Variants in ARSG observed in about 807,000 individuals in gnomAD.
ARSG encodes ASG.
ARSG carries 37 observed loss-of-function variants against 50.5 expected under a neutral mutation model. The observed-to-expected ratio is 0.73, with a 90% CI of 0.56 to 0.96. The LOEUF (loss-of-function observed/expected upper bound fraction) is 0.96. Ranked by LOEUF, ARSG falls within the 50% of genes least tolerant of loss-of-function variation. The pLI is 0.00. For missense variants in ARSG, 629 were observed against 675.3 expected, an observed-to-expected ratio of 0.93 and a Z score of 0.76; for synonymous variants, 225 against 254.6, an observed-to-expected ratio of 0.88 and a Z score of 1.11.
intron 1 of ARSG, among the ~76,000 whole-genome samples, chr17:68,299,873 G>A (rs1353501388): frequency 6.6e-6 from 1 of 150,950 alleles, no homozygotes; most frequent in Non-Finnish European, 1.5e-5. Context: ...TATATAGTAA[G>A]AATTAACTTT....
Position 68,271,564 on chromosome 17 carries a change from A to G in ARSG, c.-552+12138A>G. ...TCCTCTGATAAAGATGGGTCTGAGCAGTGCTCCGAAGATGACAATGTTTAA... is the reference window on the plus strand; with the variant it reads ...TCCTCTGATAAAGATGGGTCTGAGCGGTGCTCCGAAGATGACAATGTTTAA... On this transcript the variant is annotated intron_variant, in intron 1 of 11. Coordinates refer to the ARSG transcript ENST00000448504. The surrounding 1 kb of genome is among the most constrained non-coding windows in gnomAD (Gnocchi z 5.3). The G allele has an allele frequency of 3.7e-6, 6 of 1,614,232 alleles. No homozygotes were observed. The highest frequency in any genetic ancestry group is 5.1e-6 in the Non-Finnish European group (6 of 1,180,030).
chr17:68,361,683 G>A (rs770124475), intron 6 of ARSG, among the ~76,000 whole-genome samples: 3 of 152,188 alleles, frequency 2.0e-5, no homozygotes, highest in Non-Finnish European at 4.4e-5. Flanking sequence ...GGAGGCCGAG[G>A]TGGGTAGATC....
At chr17:68,373,810 G>C (rs1227825539) in intron 8 of ARSG, among the ~76,000 whole-genome samples, 1 of 152,064 alleles carries the variant, frequency 6.6e-6, no homozygotes, top group South Asian at 2.1e-4. Context: ...TTTCTGGAGA[G>C]TTGGGTCAAA....
intron 1 of ARSG, among the ~76,000 whole-genome samples, chr17:68,283,961 C>T (rs1272881499): frequency 6.6e-6 from 1 of 150,608 alleles, no homozygotes; most frequent in East Asian, 2.0e-4. Context: ...AGTAGTAGCA[C>T]GAGCCTGTTA....
downstream of ARSG, chr17:68,422,665 G>T (rs992489047): frequency 2.1e-5 from 3 of 140,738 alleles, no homozygotes; most frequent in Admixed American, 1.6e-4. Context: ...GGAGGTGGAG[G>T]TTGCAGTGAG....
At chr17:68,405,541 T>C (rs1053576503) in intron 11 of ARSG, among the ~76,000 whole-genome samples, 2 of 152,182 alleles carry the variant, frequency 1.3e-5, no homozygotes, top group African/African-American at 4.8e-5. Flanking sequence ...AATCCTGCCA[T>C]TTTGCTGAAT....
chr17:68,451,016 C>G, the ARSG span: 1 of 1,359,318 alleles, frequency 7.4e-7, no homozygotes, highest in Non-Finnish European at 9.8e-7. Flanking sequence ...GTCTTGCCGG[C>G]CAGGCGCCCT....
At chr17:68,320,201 A>G (rs1283978875) in intron 2 of ARSG, among the ~76,000 whole-genome samples, 2 of 152,054 alleles carry the variant, frequency 1.3e-5, no homozygotes, top group African/African-American at 2.4e-5. Flanking sequence ...AGACAGGCGA[A>G]TCGCTTAGAA....
In ARSG at chr17:68,338,156, C is replaced by T. The variant is rs572813070; in HGVS notation, c.219-5448C>T. Reference sequence around the variant, plus strand: ...TTCCCCAGGCCCAGTTAGTACTTTCCTCCGTTCACATTGAGCTGTATTTGA... The same window carrying T: ...TTCCCCAGGCCCAGTTAGTACTTTCTTCCGTTCACATTGAGCTGTATTTGA... On this transcript the variant is annotated intron_variant, in intron 2 of 11. Transcript: ENST00000621439. Among the ~76,000 whole-genome samples the T allele has an allele frequency of 9.9e-5, 15 of 152,152 alleles. No homozygotes were observed. In the East Asian group the frequency reaches 2.9e-3, roughly 29 times the overall value.
At chr17:68,311,428 G>T (rs1259981896) in intron 2 of ARSG, among the ~76,000 whole-genome samples, 2 of 152,084 alleles carry the variant, frequency 1.3e-5, no homozygotes, top group Non-Finnish European at 2.9e-5. Flanking sequence ...CACTACATTG[G>T]GTTGAATAGC....
intron 1 of ARSG, among the ~76,000 whole-genome samples, chr17:68,303,975 C>G (rs1241243904): frequency 6.6e-6 from 1 of 152,184 alleles, no homozygotes; most frequent in East Asian, 1.9e-4. Flanking sequence ...AGTAATGATT[C>G]TCTTTGAAAA....
the ARSG span, chr17:68,428,291 T>A: frequency 6.5e-6 from 1 of 153,054 alleles, no homozygotes; most frequent in Non-Finnish European, 1.4e-5. Flanking sequence ...AGTGCAATGG[T>A]GTGATCATGG....
chr17:68,354,039 T>TTA (rs1555779991), intron 5 of ARSG, among the ~76,000 whole-genome samples: 3,044 of 144,536 alleles, frequency 0.021, 85 homozygotes, highest in African/African-American at 0.058. Flanking sequence ...TTTTTTTTTT[T>TTA]ATTTCAATCC....
chr17:68,365,968 C>G (rs565727162), intron 6 of ARSG, among the ~76,000 whole-genome samples: 1 of 151,888 alleles, frequency 6.6e-6, no homozygotes, highest in African/African-American at 2.4e-5. Flanking sequence ...GACAGAGTCT[C>G]GCTCTGTCGC....
chr17:68,325,748 G>A (rs1198354349), intron 2 of ARSG, among the ~76,000 whole-genome samples: 1 of 152,208 alleles, frequency 6.6e-6, no homozygotes, highest in Non-Finnish European at 1.5e-5. Flanking sequence ...AGTCAAGGAA[G>A]CCCTTACCCT....
intron 2 of ARSG, among the ~76,000 whole-genome samples, chr17:68,327,000 T>A (rs929162664): frequency 6.6e-6 from 1 of 152,182 alleles, no homozygotes; most frequent in African/African-American, 2.4e-5. Flanking sequence ...ACATTAGACA[T>A]GAAAAGGCTG....
intron 1 of ARSG, among the ~76,000 whole-genome samples, chr17:68,261,918 T>C (rs782440804): frequency 1.3e-4 from 20 of 151,756 alleles, no homozygotes; most frequent in Non-Finnish European, 2.5e-4. Context: ...TTTGGGAGGC[T>C]GAAGCAGGTA....
chr17:68,293,875 A>T (rs1037662046), intron 1 of ARSG, among the ~76,000 whole-genome samples: 1 of 152,160 alleles, frequency 6.6e-6, no homozygotes, highest in Non-Finnish European at 1.5e-5. Context: ...GTCACGCAAC[A>T]TGACTTTTGC....
rs555140648 is a variant in ARSG, at chr17:68,394,955, A to G, written c.1092-118A>G. 22 of 1,423,766 alleles carry G rather than the reference A, an allele frequency of 1.5e-5. 1 individual carries two copies. In the South Asian group the frequency reaches 2.0e-4, roughly 13 times the overall value. 88.2% of individuals were successfully genotyped at this position (1,423,766 alleles called of 1,614,324 possible). On this transcript the variant is annotated intron_variant, in intron 9 of 11. Coordinates refer to ENST00000621439, the MANE Select transcript of ARSG (RefSeq NM_001267727.2). ...AACAAGCAGGTAGAGAAGTTAAGCC[A>G]GCCCATAGGAGAGGCTGTGGGTGCT...
Sources: allele counts gnomAD v4.1 joint callset (sites outside exome capture counted in the v4.1 genomes callset), GRCh38; gene constraint gnomAD v4.1.1; non-coding constraint Gnocchi (gnomAD v3.1); transcripts MANE v1.5; gene names NCBI Gene and HGNC (gene_info 2026-07-23, HGNC 2026-07-21).